ARHGAP28: variants seen among roughly 807,000 people sequenced by gnomAD.
ARHGAP28 encodes rho GTPase-activating protein 28.
Under a neutral mutation model 90.7 loss-of-function variants are expected in ARHGAP28, and 56 were observed. The observed-to-expected ratio is 0.62, with a 90% CI of 0.50 to 0.77. The LOEUF is 0.77. Ranked by LOEUF, ARHGAP28 falls within the 30% of genes least tolerant of loss-of-function variation. ARHGAP28 has a pLI of 0.00. For synonymous variants in ARHGAP28, 308 were observed against 323.3 expected (o/e 0.95, Z 0.51); for missense variants, 869 against 900.9 (o/e 0.96, Z 0.45).
intron 1 of ARHGAP28, among the ~76,000 whole-genome samples, chr18:6,781,854 C>T (rs954100621): frequency 1.8e-4 from 27 of 152,160 alleles, no homozygotes; most frequent in Non-Finnish European, 3.2e-4. Context: ...CTATTTTTGT[C>T]TCTCTTTTGA....
chr18:6,777,835 G>C lies in ARHGAP28; in HGVS notation c.123-46927G>C, dbSNP rs75978518. On this transcript the variant is annotated intron_variant, in intron 1 of 17. Transcript: ENST00000383472. ...TGGACAAGGTTGTGGGGAGAGGCTG[G>C]GGCTGCTTCAAGTAGAAAGATATTG... 7.9e-3 allele frequency among the ~76,000 whole-genome samples: 1,208 copies of C among 152,148 alleles called. 12 individuals carry two copies. The highest frequency in any genetic ancestry group is 0.027 in the African/African-American group (1,134 of 41,504).
intron 6 of ARHGAP28, among the ~76,000 whole-genome samples, chr18:6,870,333 A>G (rs1450491757): frequency 6.6e-6 from 1 of 152,228 alleles, no homozygotes; most frequent in Non-Finnish European, 1.5e-5. Flanking sequence ...TGAGACATAC[A>G]AATCTAAAAT....
At chr18:6,858,876 A>G (rs556928378) in intron 4 of ARHGAP28, among the ~76,000 whole-genome samples, 1 of 152,110 alleles carries the variant, frequency 6.6e-6, no homozygotes, top group African/African-American at 2.4e-5. Flanking sequence ...CTTTAAAAAA[A>G]AAAAAAGATC....
intron 1 of ARHGAP28, among the ~76,000 whole-genome samples, chr18:6,745,696 C>T (rs375086037): frequency 1.3e-5 from 2 of 152,152 alleles, no homozygotes; most frequent in Non-Finnish European, 2.9e-5. Context: ...ATTGCCTGTT[C>T]GTGGAAGCCA....
At chr18:6,855,886 C>A (rs1049371028) in intron 4 of ARHGAP28, among the ~76,000 whole-genome samples, 8 of 152,218 alleles carry the variant, frequency 5.3e-5, no homozygotes, top group Non-Finnish European at 8.8e-5. Flanking sequence ...AGCTGCCTGC[C>A]CCACTGCAGC....
intron 1 of ARHGAP28, among the ~76,000 whole-genome samples, chr18:6,743,436 G>A (rs2143198376): frequency 6.6e-6 from 1 of 152,234 alleles, no homozygotes; most frequent in South Asian, 2.1e-4. Context: ...GGTTAACTGT[G>A]GAGGCTGAAA....
intron 1 of ARHGAP28, among the ~76,000 whole-genome samples, chr18:6,819,389 G>T (rs2056612122): frequency 2.0e-5 from 3 of 152,160 alleles, no homozygotes; most frequent in South Asian, 4.2e-4. Flanking sequence ...TGGATACAAA[G>T]AAGTCTGAAG....
intron 1 of ARHGAP28, among the ~76,000 whole-genome samples, chr18:6,762,563 C>T (rs1350509104): frequency 6.6e-6 from 1 of 151,976 alleles, no homozygotes; most frequent in African/African-American, 2.4e-5. Flanking sequence ...AACTGTGTGC[C>T]CCCAGAATTT....
At chr18:6,741,887 T>G (rs2055980750) in intron 1 of ARHGAP28, among the ~76,000 whole-genome samples, 1 of 152,206 alleles carries the variant, frequency 6.6e-6, no homozygotes, top group Non-Finnish European at 1.5e-5. Context: ...AGCTCTTTGC[T>G]TTTATTCTTT....
chr18:6,850,797 G>A (rs1297225939), intron 3 of ARHGAP28: 1 of 1,521,672 alleles, frequency 6.6e-7, no homozygotes, highest in Non-Finnish European at 8.8e-7. Context: ...TTGGCAGGAA[G>A]CTAGCAGAGT....
At chr18:6,875,819 G>C (rs1236169071) in intron 9 of ARHGAP28, among the ~76,000 whole-genome samples, 2 of 152,156 alleles carry the variant, frequency 1.3e-5, no homozygotes, top group African/African-American at 4.8e-5. Flanking sequence ...ATAGTAATCA[G>C]ATCTTAAAAA....
rs1245933651 is a variant in ARHGAP28 at position 6,914,624 on chromosome 18, A to G, written c.*2470A>G. ...TGTTTTTTAAAAATTTAATAAATTCATAAAAAAGACTCATATCTTTGCAAA... is the reference window on the plus strand; with the variant it reads ...TGTTTTTTAAAAATTTAATAAATTCGTAAAAAAGACTCATATCTTTGCAAA... On this transcript the variant is annotated 3_prime_UTR_variant, in exon 18 of 18. Coordinates refer to ENST00000383472, the MANE Select transcript of ARHGAP28 (RefSeq NM_001366230.1). The G allele has an allele frequency of 6.6e-6, 1 of 152,184 alleles. No individual in the cohort carries two copies. The highest frequency in any genetic ancestry group is 1.5e-5 in the Non-Finnish European group (1 of 68,014). The allele number at this position is 152,184 out of a possible 1,614,324, so 9.4% of individuals were successfully genotyped here.
intron 1 of ARHGAP28, among the ~76,000 whole-genome samples, chr18:6,763,554 C>T (rs556615238): frequency 6.6e-6 from 1 of 152,338 alleles, no homozygotes; most frequent in South Asian, 2.1e-4. Flanking sequence ...GTTACTGTGT[C>T]ATAGCAGTCA....
At chr18:6,826,017 T>C (rs2056659569) in intron 2 of ARHGAP28, among the ~76,000 whole-genome samples, 1 of 152,200 alleles carries the variant, frequency 6.6e-6, no homozygotes, top group Non-Finnish European at 1.5e-5. Context: ...TTTAAGTTCT[T>C]TGAGAAATCT....
intron 1 of ARHGAP28, among the ~76,000 whole-genome samples, chr18:6,752,504 C>T (rs1216180635): frequency 6.6e-6 from 1 of 152,216 alleles, no homozygotes; most frequent in Non-Finnish European, 1.5e-5. Context: ...CTAACTTGGT[C>T]TCTCACAATC....
chr18:6,885,804 T>TG (rs1412840386), intron 11 of ARHGAP28, among the ~76,000 whole-genome samples: 5 of 142,264 alleles, frequency 3.5e-5, no homozygotes, highest in Non-Finnish European at 7.7e-5. Context: ...CCAGAGTTGT[T>TG]TTTTTTTTTT....
At chr18:6,807,162 G>A (rs994855843) in intron 1 of ARHGAP28, among the ~76,000 whole-genome samples, 1 of 152,040 alleles carries the variant, frequency 6.6e-6, no homozygotes, top group African/African-American at 2.4e-5. Flanking sequence ...CATTCTGTTA[G>A]GGTGTTTAGA....
intron 1 of ARHGAP28, among the ~76,000 whole-genome samples, chr18:6,819,950 G>T (rs1325350728): frequency 6.6e-6 from 1 of 152,020 alleles, no homozygotes; most frequent in Non-Finnish European, 1.5e-5. Flanking sequence ...CCTTTCTGGG[G>T]GAAACCTTTA....
chr18:6,912,562 A>G lies in ARHGAP28; in HGVS notation c.*408A>G, dbSNP rs1379693019. ...ACCCTTTTTTATACTTAATGTACAT[A>G]TATTGACTTTTTGAGCAAGAATGCC... On this transcript the variant is annotated 3_prime_UTR_variant, in exon 18 of 18. Coordinates refer to ENST00000383472, the MANE Select transcript of ARHGAP28 (RefSeq NM_001366230.1). 1 of 152,636 alleles carries G rather than the reference A, an allele frequency of 6.6e-6. No homozygotes were observed. Among genetic ancestry groups the G allele is most frequent in the East Asian group, 1.9e-4 (1 of 5,202 alleles). The allele number at this position is 152,636 out of a possible 1,614,324, so 9.5% of individuals were successfully genotyped here. A position where few individuals can be genotyped will look rare whatever the true frequency, so the allele number is the denominator to read the frequency against.
Sources: gnomAD v4.1 joint callset for allele counts (sites outside exome capture counted in the v4.1 genomes callset) on GRCh38, gnomAD v4.1.1 for gene constraint, MANE v1.5 for transcripts, NCBI Gene and HGNC (gene_info 2026-07-23, HGNC 2026-07-21) for gene names.